AKAP19: variants seen among roughly 807,000 people sequenced by gnomAD.
AKAP19 encodes A-kinase anchoring protein 19, also known as small A-kinase anchoring protein.
chr2:189,893,502 T>C, the AKAP19 span, among the ~76,000 whole-genome samples: 1 of 152,212 alleles, frequency 6.6e-6, no homozygotes, highest in Non-Finnish European at 1.5e-5. Context: ...ACTTGCCGGG[T>C]GAGGCGATGC....
At chr2:190,087,172 C>A in the AKAP19 span, among the ~76,000 whole-genome samples, 2 of 152,192 alleles carry the variant, frequency 1.3e-5, no homozygotes, top group Non-Finnish European at 1.5e-5. Flanking sequence ...TGTGGGACAG[C>A]AACCTAGTCT....
chr2:189,942,149 C>T, the AKAP19 span, among the ~76,000 whole-genome samples: 18 of 152,228 alleles, frequency 1.2e-4, no homozygotes, highest in South Asian at 2.1e-4. Context: ...CCCATGCTGG[C>T]GGGGAGGCCT....
the AKAP19 span, among the ~76,000 whole-genome samples, chr2:189,916,677 A>G: frequency 1.3e-5 from 2 of 152,180 alleles, no homozygotes; most frequent in Non-Finnish European, 2.9e-5. Flanking sequence ...TTGTTATTTC[A>G]AGAATGTTAC....
the AKAP19 span, among the ~76,000 whole-genome samples, chr2:190,160,239 T>G: frequency 0.011 from 1,654 of 152,314 alleles, 7 homozygotes; most frequent in Non-Finnish European, 0.017. Flanking sequence ...AATAACATGG[T>G]CATTTTATGG....
At chr2:190,028,555 T>C in the AKAP19 span, among the ~76,000 whole-genome samples, 1 of 152,152 alleles carries the variant, frequency 6.6e-6, no homozygotes, top group Non-Finnish European at 1.5e-5. Context: ...GAATTGTCAT[T>C]GTGAAGGCAG....
the AKAP19 span, among the ~76,000 whole-genome samples, chr2:190,053,298 G>A: frequency 3.9e-5 from 6 of 152,090 alleles, no homozygotes; most frequent in African/African-American, 7.2e-5. Context: ...AACATCTTGC[G>A]TTCTTGACAG....
the AKAP19 span, among the ~76,000 whole-genome samples, chr2:189,982,069 AT>A: frequency 6.6e-6 from 1 of 151,900 alleles, no homozygotes; most frequent in African/African-American, 2.4e-5. Context: ...GATTAGGGAA[AT>A]TTTCCTGAAT....
At chr2:190,118,457 G>A in the AKAP19 span, among the ~76,000 whole-genome samples, 4 of 151,900 alleles carry the variant, frequency 2.6e-5, no homozygotes, top group African/African-American at 7.3e-5. Flanking sequence ...ACATCGATGC[G>A]AAAATCCTCA....
chr2:190,142,494 C>T, the AKAP19 span, among the ~76,000 whole-genome samples: 20 of 152,298 alleles, frequency 1.3e-4, no homozygotes, highest in African/African-American at 3.9e-4. Flanking sequence ...TTGATTAGCT[C>T]AGCCAGTGTT....
the AKAP19 span, among the ~76,000 whole-genome samples, chr2:190,190,401 G>A: frequency 3.3e-5 from 5 of 152,162 alleles, no homozygotes; most frequent in Admixed American, 3.3e-4. Flanking sequence ...TAATTGTCAA[G>A]TTATATTCCA....
the AKAP19 span, among the ~76,000 whole-genome samples, chr2:190,033,263 T>C: frequency 6.6e-6 from 1 of 152,158 alleles, no homozygotes; most frequent in South Asian, 2.1e-4. Flanking sequence ...AACATAATTG[T>C]GCTGCTTACA....
At chr2:190,196,990 C>T in the AKAP19 span, among the ~76,000 whole-genome samples, 5 of 152,142 alleles carry the variant, frequency 3.3e-5, no homozygotes, top group African/African-American at 1.2e-4. Flanking sequence ...AAGGCATGAG[C>T]ATATATGGTG....
chr2:189,970,387 TC>T, the AKAP19 span, among the ~76,000 whole-genome samples: 1 of 152,346 alleles, frequency 6.6e-6, no homozygotes, highest in Non-Finnish European at 1.5e-5. Context: ...TTGATATTTA[TC>T]ATTCCCATAT....
At chr2:190,021,548 G>C in the AKAP19 span, among the ~76,000 whole-genome samples, 1 of 152,212 alleles carries the variant, frequency 6.6e-6, no homozygotes, top group Non-Finnish European at 1.5e-5. Flanking sequence ...AAGGAGTGCA[G>C]TTAGCTGATA....
the AKAP19 span, among the ~76,000 whole-genome samples, chr2:190,038,905 TTCTTCTTCTTC>T: frequency 3.2e-3 from 269 of 82,852 alleles, 4 homozygotes; most frequent in Middle Eastern, 0.025. Flanking sequence ...TCTTTCTTTC[TTCTTCTTCTTC>T]TTCTTCTTCT....
At chr2:190,167,797 A>G in the AKAP19 span, among the ~76,000 whole-genome samples, 1 of 152,212 alleles carries the variant, frequency 6.6e-6, no homozygotes, top group Non-Finnish European at 1.5e-5. Context: ...CCATGGTCTT[A>G]GGCAGCTCCA....
At chr2:190,047,763 T>C in the AKAP19 span, among the ~76,000 whole-genome samples, 3 of 152,230 alleles carry the variant, frequency 2.0e-5, no homozygotes, top group African/African-American at 7.2e-5. Flanking sequence ...AAAATGTTAT[T>C]CCTTTGAGAG....
the AKAP19 span, among the ~76,000 whole-genome samples, chr2:190,144,318 A>T: frequency 7.2e-5 from 11 of 151,936 alleles, no homozygotes; most frequent in African/African-American, 2.7e-4. Flanking sequence ...AAAGTTGGCA[A>T]ATTGGCTGTA....
At chr2:190,188,241 T>C in the AKAP19 span, among the ~76,000 whole-genome samples, 5 of 152,246 alleles carry the variant, frequency 3.3e-5, no homozygotes, top group Admixed American at 1.3e-4. Flanking sequence ...AGACACTCAA[T>C]ATAGACTGGT....
Sources: allele counts gnomAD v4.1 joint callset (sites outside exome capture counted in the v4.1 genomes callset), GRCh38; gene constraint gnomAD v4.1.1; transcripts MANE v1.5; gene names NCBI Gene and HGNC (gene_info 2026-07-23, HGNC 2026-07-21).